HECW2: variants seen among roughly 807,000 people sequenced by gnomAD.
HECW2 encodes the protein HECT, C2 and WW domain containing E3 ubiquitin protein ligase 2.
A neutral mutation model predicts 175.2 loss-of-function variants in HECW2; 61 were observed. That is an observed-to-expected ratio of 0.35 (90% CI 0.28 to 0.43). The LOEUF (loss-of-function observed/expected upper bound fraction) is 0.43, where lower values mean the gene tolerates loss of function less well. Among genes scored for constraint, HECW2 ranks in the 20% least tolerant of loss-of-function variants. The pLI, the probability that HECW2 is intolerant of heterozygous loss-of-function variation, is 1.00. For synonymous variants in HECW2, 671 were observed against 731.0 expected (o/e 0.92, Z 1.32); for missense variants, 1,524 against 2,000.5 (o/e 0.76, Z 4.54).
chr2:196,431,330 G>A (rs959440747), intron 2 of HECW2, among the ~76,000 whole-genome samples: 20 of 152,258 alleles, frequency 1.3e-4, no homozygotes, highest in Non-Finnish European at 1.3e-4. Context: ...GTTCCTTCCT[G>A]ATTAAATTTA....
Position 196,240,577 on chromosome 2 carries a change from A to T in HECW2, c.3651-15T>A, listed in dbSNP as rs1688411740. On this transcript the variant is annotated splice_polypyrimidine_tract_variant and intron_variant, in intron 20 of 28. Transcript: ENST00000644978. Reference sequence around the variant, plus strand: ...GGATAATTAACCTGTCCATAAAGAGACAATTTAGAAAATACAAATTATTAC... The same window carrying T: ...GGATAATTAACCTGTCCATAAAGAGTCAATTTAGAAAATACAAATTATTAC... The T allele has an allele frequency of 6.4e-7, 1 of 1,569,312 alleles. No homozygotes were observed.
chr2:196,520,060 G>C (rs977577546), intron 1 of HECW2, among the ~76,000 whole-genome samples: 4 of 152,164 alleles, frequency 2.6e-5, no homozygotes, highest in African/African-American at 9.7e-5. Flanking sequence ...ATGCAATGTG[G>C]TATTTTAGAT....
chr2:196,275,750 T>TAA (rs200671171), intron 15 of HECW2, among the ~76,000 whole-genome samples: 5 of 144,950 alleles, frequency 3.4e-5, no homozygotes, highest in African/African-American at 5.1e-5. Flanking sequence ...GACTCTGTCT[T>TAA]AAAAAAAAAA....
At chr2:196,367,139 T>C (rs370318609) in intron 2 of HECW2, among the ~76,000 whole-genome samples, 3 of 152,144 alleles carry the variant, frequency 2.0e-5, no homozygotes, top group East Asian at 3.8e-4. Flanking sequence ...GTGAACAAAA[T>C]TGGCATTTAT....
At chr2:196,304,960 G>A (rs1691204235) in intron 13 of HECW2, among the ~76,000 whole-genome samples, 1 of 152,146 alleles carries the variant, frequency 6.6e-6, no homozygotes, top group Non-Finnish European at 1.5e-5. Context: ...CTTCTACCTA[G>A]AGTACTCCTG....
chr2:196,269,054 G>A (rs1442619053), intron 17 of HECW2, among the ~76,000 whole-genome samples: 1 of 152,214 alleles, frequency 6.6e-6, no homozygotes, highest in Non-Finnish European at 1.5e-5. Context: ...GGCACTAAGA[G>A]TTGAGTCAAA....
At chr2:196,373,155 A>G (rs973032763) in intron 2 of HECW2, among the ~76,000 whole-genome samples, 1 of 152,230 alleles carries the variant, frequency 6.6e-6, no homozygotes, top group African/African-American at 2.4e-5. Context: ...TGACAAGTAC[A>G]CAAAATAGAT....
At chr2:196,298,840 C>T (rs570396671) in intron 13 of HECW2, among the ~76,000 whole-genome samples, 26 of 152,162 alleles carry the variant, frequency 1.7e-4, no homozygotes, top group African/African-American at 5.1e-4. Context: ...TTCAATAATA[C>T]GAACAGGGAA....
chr2:196,222,262 G>T lies in HECW2; in HGVS notation c.4095C>A (p.Ile1365=). Residue 1365 remains isoleucine, a synonymous_variant, in exon 24 of 29, where the codon ATC becomes ATA. Coordinates refer to ENST00000644978, the MANE Select transcript of HECW2 (RefSeq NM_001348768.2). ...TGAACGTGAGGTCTAGGATGTCATG[G>T]ATATCATTGTCTTTCATCCACTGCA... ...QSLQWMKDND[I]HDILDLTFTV... The T allele has an allele frequency of 6.2e-7, 1 of 1,613,786 alleles. No individual in the cohort carries two copies. Among genetic ancestry groups the T allele is most frequent in the Non-Finnish European group, 8.5e-7 (1 of 1,179,824 alleles).
At chr2:196,581,289 C>A (rs1198224340) in intron 1 of HECW2, among the ~76,000 whole-genome samples, 1 of 152,178 alleles carries the variant, frequency 6.6e-6, no homozygotes, top group Non-Finnish European at 1.5e-5. Flanking sequence ...AATTCCAGCA[C>A]TTTGGGAGGC....
chr2:196,245,652 G>A (rs41396145), intron 19 of HECW2, among the ~76,000 whole-genome samples: 2,905 of 152,194 alleles, frequency 0.019, 109 homozygotes, highest in African/African-American at 0.066. Context: ...GCATAGAGGT[G>A]AATACTAAAG....
chr2:196,242,541 T>A (rs1358240960), intron 19 of HECW2: 1 of 243,410 alleles, frequency 4.1e-6, no homozygotes, highest in East Asian at 9.8e-5. Context: ...GGATGAAATG[T>A]CTTTGCTTGC....
intron 1 of HECW2, among the ~76,000 whole-genome samples, chr2:196,479,174 C>T (rs189725523): frequency 4.0e-4 from 61 of 152,300 alleles, no homozygotes; most frequent in Non-Finnish European, 5.9e-5. Flanking sequence ...GCCTTTCACA[C>T]CACTTCTAAC....
At chr2:196,433,809 T>C (rs1695788921) in intron 1 of HECW2, among the ~76,000 whole-genome samples, 1 of 152,178 alleles carries the variant, frequency 6.6e-6, no homozygotes. Context: ...TCGTTTTCCA[T>C]CCCACACACA....
intron 7 of HECW2, 79 bp from the exon 8 acceptor site, chr2:196,320,518 A>C (rs1178917276): frequency 2.5e-6 from 2 of 786,212 alleles, no homozygotes; most frequent in African/African-American, 3.4e-5. Flanking sequence ...CCACCCACCA[A>C]ATCCCTCCTA....
chr2:196,323,118 G>C (rs1292605526), intron 6 of HECW2, among the ~76,000 whole-genome samples: 1 of 152,150 alleles, frequency 6.6e-6, no homozygotes, highest in African/African-American at 2.4e-5. Flanking sequence ...AGAATACTGT[G>C]GTTTCCCTGA....
intron 1 of HECW2, among the ~76,000 whole-genome samples, chr2:196,487,784 T>C (rs1237742469): frequency 1.3e-5 from 2 of 152,330 alleles, no homozygotes; most frequent in Non-Finnish European, 2.9e-5. Context: ...AATTTCCACA[T>C]AAAAACAGCA....
chr2:196,377,254 A>AT (rs990156250), intron 2 of HECW2, among the ~76,000 whole-genome samples: 1 of 152,120 alleles, frequency 6.6e-6, no homozygotes, highest in African/African-American at 2.4e-5. Context: ...GGTCATTTTG[A>AT]TTTTTTTGTC....
At chr2:196,253,083 T>A (rs776723947) in intron 19 of HECW2, among the ~76,000 whole-genome samples, 26 of 152,264 alleles carry the variant, frequency 1.7e-4, no homozygotes, top group Non-Finnish European at 3.4e-4. Context: ...AATGAACATA[T>A]TAATACATCT....
Sources: gnomAD v4.1 joint callset for allele counts (sites outside exome capture counted in the v4.1 genomes callset) on GRCh38, gnomAD v4.1.1 for gene constraint, MANE v1.5 for transcripts, NCBI Gene and HGNC (gene_info 2026-07-23, HGNC 2026-07-21) for gene names.